The following TMEM131L variants were observed in gnomAD, a reference collection of about 807,000 sequenced individuals.
TMEM131L encodes transmembrane 131 like, also known as transmembrane protein 131-like.
TMEM131L carries 54 observed loss-of-function variants against 192.2 expected under a neutral mutation model. That is an observed-to-expected ratio of 0.28 (90% confidence interval 0.23 to 0.35). The LOEUF is 0.35. TMEM131L is among the 10% of genes least tolerant of loss of function. The pLI is 1.00. For missense variants in TMEM131L, 1,888 were observed against 1,972.9 expected (o/e 0.96, Z 0.82); for synonymous variants, 701 against 704.9 (o/e 0.99, Z 0.09).
rs1405699071 is a variant in TMEM131L at position 153,604,115 on chromosome 4, T to C, written c.3103T>C (p.Tyr1035His). 2.5e-6 allele frequency: 4 copies of C among 1,614,198 alleles called. No individual in the cohort carries two copies. The highest frequency in any genetic ancestry group is 1.3e-5 in the African/African-American group (1 of 75,064). The change falls in exon 25 of 35, where the codon TAT becomes CAT. Residue 1035 changes from tyrosine to histidine, a missense_variant. By Grantham distance (83) the Tyr-to-His change is moderately conservative (BLOSUM62 2). Transcript: ENST00000409959. Reference protein sequence around the residue: ...AMRENWISLRYASGINVNLQK... With the variant: ...AMRENWISLRHASGINVNLQK... ...GCGTGAGAACTGGATCAGCCTCAGA[T>C]ATGCAAGTGGCATAAATGTCAACCT...
chr4:153,552,408 T>A (rs939617065), intron 4 of TMEM131L, among the ~76,000 whole-genome samples: 1 of 152,140 alleles, frequency 6.6e-6, no homozygotes, highest in Non-Finnish European at 1.5e-5. Flanking sequence ...TCGATGCACA[T>A]GGGGGTATGT....
chr4:153,585,471 G>T lies in TMEM131L; in HGVS notation c.1171G>T (p.Asp391Tyr). The T allele has an allele frequency of 1.2e-6, 2 of 1,614,012 alleles. No individual in the cohort carries two copies. Among genetic ancestry groups the T allele is most frequent in the Non-Finnish European group, 1.7e-6 (2 of 1,179,976 alleles). ...SSVAQGYFRM[D>Y]SSATQFHIET... ...GTCTGTTCACAGGTATTTTAGAATG[G>T]ACTCTTCTGCAACCCAGTTTCACAT... The change falls in exon 13 of 35, where the codon GAC (aspartate) becomes TAC (tyrosine). Residue 391 changes from aspartate to tyrosine, a missense_variant. Asp to Tyr is a radical substitution (Grantham distance 160). Coordinates refer to ENST00000409959, the MANE Select transcript of TMEM131L (RefSeq NM_001131007.2).
At chr4:153,558,041 G>A (rs1480177912) in intron 6 of TMEM131L, among the ~76,000 whole-genome samples, 1 of 152,214 alleles carries the variant, frequency 6.6e-6, no homozygotes, top group African/African-American at 2.4e-5. Flanking sequence ...AAAGTGTTGG[G>A]ATTACAGGCG....
At chr4:153,573,249 A>G (rs544042199) in intron 7 of TMEM131L, among the ~76,000 whole-genome samples, 1 of 152,366 alleles carries the variant, frequency 6.6e-6, no homozygotes, top group South Asian at 2.1e-4. Flanking sequence ...CCTTTCTTTT[A>G]TAGCCTAATT....
At chr4:153,607,945 A>G (rs373614618) in intron 25 of TMEM131L, among the ~76,000 whole-genome samples, 141 of 152,292 alleles carry the variant, frequency 9.3e-4, no homozygotes, top group African/African-American at 3.2e-3. Context: ...AAGTATATGT[A>G]TATGTATAGT....
intron 17 of TMEM131L, 103 bp from the exon 18 acceptor site, chr4:153,592,372 A>G: frequency 1.4e-6 from 1 of 729,290 alleles, no homozygotes; most frequent in Non-Finnish European, 2.5e-6. Context: ...GATTGGAGTT[A>G]CATGATATTT....
At chr4:153,616,451 G>A (rs1177480414) in intron 26 of TMEM131L, among the ~76,000 whole-genome samples, 1 of 152,160 alleles carries the variant, frequency 6.6e-6, no homozygotes, top group Non-Finnish European at 1.5e-5. Flanking sequence ...TAATTTTGCA[G>A]CTTACAAAAT....
chr4:153,602,033 TCGCA>T, intron 21 of TMEM131L, 115 bp from the exon 22 acceptor site: 1 of 579,322 alleles, frequency 1.7e-6, no homozygotes, highest in Non-Finnish European at 2.8e-6. Context: ...TGGATTTTTT[TCGCA>T]TTTTAGTAAT....
rs755763158 is a variant in TMEM131L at position 153,596,321 on chromosome 4, A to G, written c.2059A>G (p.Lys687Glu). Reference sequence around the variant, plus strand: ...CTTACATCTGCAGCCTTTGGAAATGAAAAGGGTTGGCGTAGTTTTCACACC... The same window carrying G: ...CTTACATCTGCAGCCTTTGGAAATGGAAAGGGTTGGCGTAGTTTTCACACC... ...LHLHLQPLEM[K>E]RVGVVFTPAD... The change falls in exon 20 of 35, where the codon AAA becomes GAA. Residue 687 changes from lysine (K) to glutamate (E), a missense_variant. Transcript: ENST00000409959. The G allele has an allele frequency of 9.9e-6, 16 of 1,613,880 alleles. No individual in the cohort carries two copies.
chr4:153,557,206 CTG>C, intron 6 of TMEM131L, 124 bp downstream of exon 6: 1 of 638,722 alleles, frequency 1.6e-6, no homozygotes, highest in Non-Finnish European at 2.8e-6. Context: ...AAATACAAGA[CTG>C]TTAGTGATGT....
chr4:153,611,782 C>G (rs1283432630), intron 25 of TMEM131L, among the ~76,000 whole-genome samples: 3 of 152,234 alleles, frequency 2.0e-5, no homozygotes, highest in African/African-American at 7.2e-5. Context: ...CAAGGTTCAT[C>G]CATGTTGTAG....
intron 3 of TMEM131L, among the ~76,000 whole-genome samples, chr4:153,477,536 G>C (rs1331675708): frequency 6.6e-6 from 1 of 152,086 alleles, no homozygotes; most frequent in Non-Finnish European, 1.5e-5. Context: ...CATAGCATCA[G>C]ATTATCAGAA....
chr4:153,507,286 G>A (rs901250611), intron 3 of TMEM131L, among the ~76,000 whole-genome samples: 6 of 152,134 alleles, frequency 3.9e-5, no homozygotes, highest in African/African-American at 1.4e-4. Context: ...TGTTTTGGGC[G>A]GGTGGCTGTT....
intron 20 of TMEM131L, among the ~76,000 whole-genome samples, chr4:153,596,957 C>G (rs914552772): frequency 1.3e-5 from 2 of 152,074 alleles, no homozygotes; most frequent in Non-Finnish European, 2.9e-5. Flanking sequence ...TCTTGAGAGT[C>G]TTTTAAAAAT....
chr4:153,553,530 T>G (rs984527281), intron 4 of TMEM131L, among the ~76,000 whole-genome samples: 4 of 152,146 alleles, frequency 2.6e-5, no homozygotes, highest in South Asian at 2.1e-4. Context: ...AGTTTTACCT[T>G]ATGTCTGACA....
In TMEM131L at chr4:153,596,343, C is replaced by T. The variant is rs1731439718; in HGVS notation, c.2081C>T (p.Thr694Ile). The T allele has an allele frequency of 6.2e-7, 1 of 1,614,006 alleles. No individual in the cohort carries two copies. Among genetic ancestry groups the T allele is most frequent in the Non-Finnish European group, 8.5e-7 (1 of 1,179,878 alleles). The change falls in exon 20 of 35, where the codon ACA (threonine) becomes ATA (isoleucine). Residue 694 changes from threonine to isoleucine, a missense_variant. Physicochemically the swap from Thr to Ile is moderately conservative, Grantham distance 89. Transcript: ENST00000409959. ...LEMKRVGVVF[T>I]PADYGKVTSL... ...ATGAAAAGGGTTGGCGTAGTTTTCACACCTGCTGACTATGGAAAAGTTACC... is the reference window on the plus strand; with the variant it reads ...ATGAAAAGGGTTGGCGTAGTTTTCATACCTGCTGACTATGGAAAAGTTACC...
At chr4:153,540,207 G>A (rs1736672397) in intron 3 of TMEM131L, among the ~76,000 whole-genome samples, 1 of 151,846 alleles carries the variant, frequency 6.6e-6, no homozygotes, top group South Asian at 2.1e-4. Context: ...GGGTCATAAA[G>A]TTACATAGGA....
chr4:153,563,719 G>A (rs760373474), intron 7 of TMEM131L, among the ~76,000 whole-genome samples: 11 of 151,788 alleles, frequency 7.2e-5, no homozygotes, highest in Admixed American at 3.3e-4. Flanking sequence ...CACCCACCTC[G>A]GCTTTTCAAA....
At chr4:153,527,282 G>C (rs6535920) in intron 3 of TMEM131L, among the ~76,000 whole-genome samples, 23 of 110,814 alleles carry the variant, frequency 2.1e-4, no homozygotes, top group South Asian at 8.1e-4. Flanking sequence ...TTTTCTTTGT[G>C]GGGGGGCGGT....
Sources: gnomAD v4.1 joint callset for allele counts (sites outside exome capture counted in the v4.1 genomes callset) on GRCh38, gnomAD v4.1.1 for gene constraint, MANE v1.5 for transcripts, NCBI Gene and HGNC (gene_info 2026-07-23, HGNC 2026-07-21) for gene names.